Variants in SRPK1 observed in about 807,000 individuals in gnomAD.
SRPK1 encodes SRSF protein kinase 1, also known as SFRS protein kinase 1.
Under a neutral mutation model 89.5 loss-of-function variants are expected in SRPK1, and 52 were observed. The ratio of observed to expected loss-of-function variants is 0.58; its 90% CI spans 0.46 to 0.73. SRPK1 has a LOEUF of 0.73. Among genes scored for constraint, SRPK1 ranks in the 30% least tolerant of loss-of-function variants. SRPK1 has a pLI of 0.00. For missense variants in SRPK1, 603 were observed against 780.6 expected (o/e 0.77, Z 2.71); for synonymous variants, 255 against 270.2 (o/e 0.94, Z 0.55).
rs146461914 is a variant in SRPK1 at position 35,894,577 on chromosome 6, T to TA, written c.75-3565dup. On this transcript the variant is annotated intron_variant, in intron 2 of 15. Transcript: ENST00000373825. ...CTGGAGATTGAACGGAAGCTCTACTTAATTTTTTATTAGGGAAATTTTTAA... is the reference window on the plus strand; with the variant it reads ...CTGGAGATTGAACGGAAGCTCTACTTAAATTTTTTATTAGGGAAATTTTTAA... Among the ~76,000 whole-genome samples the TA allele has an allele frequency of 4.7e-3, 723 of 152,272 alleles. 6 individuals are homozygous for TA. The highest frequency in any genetic ancestry group is 0.014 in the African/African-American group (602 of 41,552).
At chr6:35,852,487 T>A (rs1769576086) in intron 13 of SRPK1, among the ~76,000 whole-genome samples, 2 of 152,158 alleles carry the variant, frequency 1.3e-5, no homozygotes, top group Admixed American at 6.6e-5. Context: ...AAGGAAATTG[T>A]ACAAAAAGAA....
intron 13 of SRPK1, among the ~76,000 whole-genome samples, chr6:35,845,134 G>T (rs914293187): frequency 6.6e-6 from 1 of 152,144 alleles, no homozygotes; most frequent in Non-Finnish European, 1.5e-5. Flanking sequence ...AGTGGGGGAC[G>T]GGAGGGATGA....
intron 9 of SRPK1, 58 bp from the exon 10 acceptor site, chr6:35,870,552 T>G: frequency 7.0e-7 from 1 of 1,437,604 alleles, no homozygotes; most frequent in South Asian, 1.3e-5. Flanking sequence ...TACCCCCAGT[T>G]GGAGATAGTT....
intron 2 of SRPK1, among the ~76,000 whole-genome samples, chr6:35,914,581 T>G (rs1036435983): frequency 6.6e-6 from 1 of 152,180 alleles, no homozygotes; most frequent in African/African-American, 2.4e-5. Context: ...CCCCCACTTA[T>G]CTTTCTCTTT....
chr6:35,846,556 C>CA (rs35150778), intron 13 of SRPK1, among the ~76,000 whole-genome samples: 44,293 of 116,160 alleles, frequency 0.38, 6,940 homozygotes, highest in South Asian at 0.5. Context: ...ACTGTGTCTC[C>CA]AAAAAAAAAA....
chr6:35,891,993 T>A (rs1309158401), intron 2 of SRPK1, among the ~76,000 whole-genome samples: 1 of 152,184 alleles, frequency 6.6e-6, no homozygotes, highest in Non-Finnish European at 1.5e-5. Flanking sequence ...GCATACCTAA[T>A]CAGAACAACT....
chr6:35,848,780 G>T (rs1006343826), intron 13 of SRPK1, among the ~76,000 whole-genome samples: 5 of 152,158 alleles, frequency 3.3e-5, no homozygotes, highest in Admixed American at 3.3e-4. Flanking sequence ...AATAAATGGT[G>T]TTGGAAAAAC....
intron 2 of SRPK1, among the ~76,000 whole-genome samples, chr6:35,912,076 C>T (rs542750972): frequency 2.0e-5 from 3 of 152,114 alleles, no homozygotes; most frequent in South Asian, 4.2e-4. Flanking sequence ...GTTCACACCC[C>T]TAATCCCAAC....
intron 13 of SRPK1, among the ~76,000 whole-genome samples, chr6:35,843,545 G>A (rs546914933): frequency 1.8e-4 from 27 of 151,434 alleles, no homozygotes; most frequent in South Asian, 4.2e-4. Flanking sequence ...CTGCCTCCTG[G>A]GTTCAAGTGA....
chr6:35,839,350 A>G (rs778393293), intron 14 of SRPK1, among the ~76,000 whole-genome samples: 111 of 152,376 alleles, frequency 7.3e-4, no homozygotes, highest in Middle Eastern at 6.8e-3. Context: ...TAGAACTTCA[A>G]AAAGCATGAA....
At chr6:35,889,092 C>T (rs1770466231) in intron 3 of SRPK1, among the ~76,000 whole-genome samples, 169 bp from the exon 4 acceptor site, 1 of 152,044 alleles carries the variant, frequency 6.6e-6, no homozygotes, top group Admixed American at 6.5e-5. Flanking sequence ...AAATCAGCCA[C>T]ATAGTATTAC....
chr6:35,887,818 A>T (rs546366425), intron 5 of SRPK1: 28 of 387,054 alleles, frequency 7.2e-5, no homozygotes, highest in African/African-American at 5.0e-4. Flanking sequence ...GTGTAAGAAG[A>T]ATTCTCATCA....
chr6:35,912,496 C>A (rs1170008124), intron 2 of SRPK1, among the ~76,000 whole-genome samples: 2 of 152,212 alleles, frequency 1.3e-5, no homozygotes, highest in Non-Finnish European at 2.9e-5. Flanking sequence ...CATGACGCTA[C>A]TGCAAAGTTA....
intron 2 of SRPK1, among the ~76,000 whole-genome samples, chr6:35,897,283 T>C (rs1327535905): frequency 6.6e-6 from 1 of 152,140 alleles, no homozygotes; most frequent in East Asian, 1.9e-4. Context: ...AGAGATAAAG[T>C]GGTGATAGTA....
intron 2 of SRPK1, among the ~76,000 whole-genome samples, chr6:35,909,809 T>C (rs1301695577): frequency 6.6e-6 from 1 of 152,202 alleles, no homozygotes; most frequent in African/African-American, 2.4e-5. Flanking sequence ...GTGAAGAAGA[T>C]GCCTGCTTCC....
chr6:35,889,801 AC>A (rs1424227748), intron 3 of SRPK1, among the ~76,000 whole-genome samples: 1 of 149,558 alleles, frequency 6.7e-6, no homozygotes, highest in African/African-American at 2.5e-5. Flanking sequence ...AAACAAACAA[AC>A]AAAAAACAAA....
intron 5 of SRPK1, 68 bp from the exon 6 acceptor site, chr6:35,886,879 G>A (rs1770420254): frequency 5.9e-6 from 5 of 841,004 alleles, no homozygotes; most frequent in Non-Finnish European, 1.0e-5. Flanking sequence ...GGTAGGGGAA[G>A]AATACTTACA....
chr6:35,883,679 A>G (rs2127254712), intron 6 of SRPK1, among the ~76,000 whole-genome samples: 1 of 152,258 alleles, frequency 6.6e-6, no homozygotes, highest in Non-Finnish European at 1.5e-5. Context: ...AAATAATTTG[A>G]GTGAAAGAAA....
At chr6:35,837,766 C>T (rs1250964585) in intron 15 of SRPK1, among the ~76,000 whole-genome samples, 2 of 151,960 alleles carry the variant, frequency 1.3e-5, no homozygotes, top group Non-Finnish European at 2.9e-5. Context: ...CTGTGCTGCC[C>T]AGGCTGGTCT....
Sources: allele counts gnomAD v4.1 joint callset (sites outside exome capture counted in the v4.1 genomes callset), GRCh38; gene constraint gnomAD v4.1.1; transcripts MANE v1.5; gene names NCBI Gene and HGNC (gene_info 2026-07-23, HGNC 2026-07-21).